TMEM182: variants seen among roughly 807,000 people sequenced by gnomAD.
TMEM182 encodes the protein transmembrane protein 182.
TMEM182 carries 20 observed loss-of-function variants against 26.8 expected under a neutral mutation model. The ratio of observed to expected loss-of-function variants is 0.75; its 90% CI spans 0.53 to 1.09. The LOEUF (loss-of-function observed/expected upper bound fraction) is 1.09, where lower values mean the gene tolerates loss of function less well. Ranked by LOEUF, TMEM182 falls within the 50% of genes least tolerant of loss-of-function variation. TMEM182 has a pLI of 0.00. For synonymous variants in TMEM182, 109 were observed against 102.2 expected (o/e 1.07, Z -0.40); for missense variants, 277 against 275.5 (o/e 1.01, Z -0.04).
intron 4 of TMEM182, among the ~76,000 whole-genome samples, chr2:102,805,319 T>C (rs1458260172): frequency 2.6e-5 from 4 of 152,066 alleles, no homozygotes; most frequent in African/African-American, 7.2e-5. Context: ...GTCTGGAACA[T>C]CTTAGTTGGG....
In TMEM182 at chr2:102,782,997, A is replaced by T. The variant is rs138255882; in HGVS notation, c.332-14866A>T. On this transcript the variant is annotated intron_variant, in intron 3 of 4. Transcript: ENST00000412401. ...CAAGGCCAAGGCTGTTATTTACACC[A>T]ATAAACCATAGATTTAATATTGTTA... Among the ~76,000 whole-genome samples, 1,229 of 152,338 alleles carry T rather than the reference A, an allele frequency of 8.1e-3. 10 individuals are homozygous for T. The highest frequency in any genetic ancestry group is 0.013 in the Non-Finnish European group (900 of 68,028).
At chr2:102,817,813 G>A, downstream of TMEM182, 1 of 685,014 alleles carries the variant, frequency 1.5e-6, no homozygotes, top group Non-Finnish European at 1.8e-6. Flanking sequence ...TACATTGAAT[G>A]GTATAAATCA....
Position 102,817,603 on chromosome 2 carries a change from A to G in TMEM182, c.*2635A>G, listed in dbSNP as rs1682799657. ...GTGTGTTGTTAGTATTCATTTAGTCATTTTTATTACTAATCTATAAATATA... is the reference window on the plus strand; with the variant it reads ...GTGTGTTGTTAGTATTCATTTAGTCGTTTTTATTACTAATCTATAAATATA... On this transcript the variant is annotated 3_prime_UTR_variant, in exon 5 of 5. Transcript: ENST00000412401. The G allele has an allele frequency of 1.0e-6, 1 of 981,494 alleles. No homozygotes were observed. 60.8% of individuals were successfully genotyped at this position (981,494 alleles called of 1,614,324 possible). A position where few individuals can be genotyped will look rare whatever the true frequency, so the allele number is the denominator to read the frequency against.
intron 3 of TMEM182, among the ~76,000 whole-genome samples, chr2:102,842,280 G>T (rs1451221828): frequency 6.6e-6 from 1 of 152,006 alleles, no homozygotes; most frequent in Non-Finnish European, 1.5e-5. Context: ...CCGATTGATG[G>T]TGCTGTCCCC....
intron 3 of TMEM182, among the ~76,000 whole-genome samples, chr2:102,773,539 G>A (rs562644582): frequency 1.0e-5 from 1 of 96,040 alleles, no homozygotes; most frequent in East Asian, 3.0e-4. Context: ...CAACAGAAGC[G>A]AAGTGGACAG....
At chr2:102,756,430 G>A (rs1051354500) in intron 1 of TMEM182, among the ~76,000 whole-genome samples, 8 of 152,086 alleles carry the variant, frequency 5.3e-5, no homozygotes, top group South Asian at 2.1e-4. Context: ...GAAATCTGCC[G>A]GGTGCAGTGG....
chr2:102,748,682 T>C (rs1679786969), intron 1 of TMEM182, among the ~76,000 whole-genome samples: 1 of 152,206 alleles, frequency 6.6e-6, no homozygotes, highest in African/African-American at 2.4e-5. Context: ...GCATTACAAG[T>C]GTTGTGACCT....
chr2:102,764,848 AAT>A (rs1391519078), intron 3 of TMEM182, among the ~76,000 whole-genome samples: 1 of 151,104 alleles, frequency 6.6e-6, no homozygotes, highest in Non-Finnish European at 1.5e-5. Flanking sequence ...GTATACAATA[AAT>A]ATATATGATA....
At chr2:102,776,478 CT>C (rs1573520216) in intron 3 of TMEM182, among the ~76,000 whole-genome samples, 1 of 152,134 alleles carries the variant, frequency 6.6e-6, no homozygotes, top group East Asian at 1.9e-4. Flanking sequence ...TCCTCCATGT[CT>C]TTCCATGGCA....
At chr2:102,739,415 A>G (rs1375363653) in intron 1 of TMEM182, among the ~76,000 whole-genome samples, 1 of 152,098 alleles carries the variant, frequency 6.6e-6, no homozygotes, top group East Asian at 1.9e-4. Context: ...TCCCCAAGAA[A>G]CCTCATGTCG....
chr2:102,825,924 A>G (rs935191981), intron 3 of TMEM182, among the ~76,000 whole-genome samples: 1 of 152,186 alleles, frequency 6.6e-6, no homozygotes, highest in African/African-American at 2.4e-5. Context: ...CCATGATACC[A>G]ACTGGTTTCT....
At chr2:102,790,081 T>A (rs1681572346) in intron 3 of TMEM182, among the ~76,000 whole-genome samples, 1 of 152,240 alleles carries the variant, frequency 6.6e-6, no homozygotes, top group Non-Finnish European at 1.5e-5. Flanking sequence ...GCACCCAGCG[T>A]TAAAAAAAGC....
chr2:102,792,076 A>T (rs1681671022), intron 3 of TMEM182, among the ~76,000 whole-genome samples: 1 of 150,606 alleles, frequency 6.6e-6, no homozygotes, highest in Non-Finnish European at 1.5e-5. Flanking sequence ...ACACACATTT[A>T]TAGCCTCTAA....
intron 3 of TMEM182, among the ~76,000 whole-genome samples, chr2:102,767,586 T>G (rs1338646525): frequency 6.6e-6 from 1 of 152,194 alleles, no homozygotes; most frequent in East Asian, 1.9e-4. Context: ...TCTATCAGAG[T>G]GCTCGTTATG....
chr2:102,742,930 T>C (rs957674939), intron 1 of TMEM182, among the ~76,000 whole-genome samples: 1 of 152,116 alleles, frequency 6.6e-6, no homozygotes, highest in African/African-American at 2.4e-5. Context: ...TAAAAGAAGT[T>C]TTTCAGAGAG....
Position 102,764,439 on chromosome 2 carries a change from C to CT in TMEM182, c.331+13dup. The CT allele has an allele frequency of 6.2e-7, 1 of 1,610,232 alleles. No individual in the cohort carries two copies. Among genetic ancestry groups the CT allele is most frequent in the Non-Finnish European group, 8.5e-7 (1 of 1,177,074 alleles). Reference sequence around the variant, plus strand: ...TGACTCTGCAGTTAGTAAGTACCCTCTGTCCTCAGCCTACTTCTAAAAGGG... The same window carrying CT: ...TGACTCTGCAGTTAGTAAGTACCCTCTTGTCCTCAGCCTACTTCTAAAAGGG... On this transcript the variant is annotated intron_variant, in intron 3 of 4. Coordinates refer to ENST00000412401, the MANE Select transcript of TMEM182 (RefSeq NM_144632.5).
chr2:102,762,207 G>A lies in TMEM182; in HGVS notation c.-11G>A. 3.7e-6 allele frequency: 6 copies of A among 1,607,702 alleles called. No individual in the cohort carries two copies. Among genetic ancestry groups the A allele is most frequent in the Non-Finnish European group, 5.1e-6 (6 of 1,176,106 alleles). Reference sequence around the variant, plus strand: ...TCATATTTTATTTAAAAGGAAACCAGTGAATTGAAAATGAGACTAAATATC... The same window carrying A: ...TCATATTTTATTTAAAAGGAAACCAATGAATTGAAAATGAGACTAAATATC... On this transcript the variant is annotated 5_prime_UTR_variant, in exon 1 of 5. The change creates a new upstream start codon in the 5' untranslated region. Coordinates refer to ENST00000412401, the MANE Select transcript of TMEM182 (RefSeq NM_144632.5).
At chr2:102,786,210 G>GTTTTTTTTT (rs772846502) in intron 3 of TMEM182, among the ~76,000 whole-genome samples, 11 of 91,794 alleles carry the variant, frequency 1.2e-4, no homozygotes, top group African/African-American at 1.8e-4. Flanking sequence ...TCAGCAATCT[G>GTTTTTTTTT]TTTTTTTTTT....
intron 1 of TMEM182, among the ~76,000 whole-genome samples, chr2:102,754,208 C>T (rs1221607146): frequency 6.6e-6 from 1 of 152,026 alleles, no homozygotes; most frequent in Non-Finnish European, 1.5e-5. Flanking sequence ...ATCCTTTGGG[C>T]CAGATGTGTT....
Sources: allele counts gnomAD v4.1 joint callset (sites outside exome capture counted in the v4.1 genomes callset), GRCh38; gene constraint gnomAD v4.1.1; transcripts MANE v1.5; gene names NCBI Gene and HGNC (gene_info 2026-07-23, HGNC 2026-07-21).